Variants in PDE4D observed in about 807,000 individuals in gnomAD.
PDE4D encodes the protein 3',5'-cyclic-AMP phosphodiesterase 4D.
In PDE4D, 24 loss-of-function variants were observed where a neutral mutation model predicts 87.4. That is an observed-to-expected ratio of 0.27 (90% CI 0.20 to 0.39). The LOEUF (loss-of-function observed/expected upper bound fraction) is 0.39, where lower values mean the gene tolerates loss of function less well. PDE4D is among the 10% of genes least tolerant of loss of function. PDE4D has a pLI of 1.00. For missense variants in PDE4D, 714 were observed against 1,041.0 expected (o/e 0.69, Z 4.32); for synonymous variants, 384 against 383.2 (o/e 1.00, Z -0.02).
chr5:60,021,718 T>A (rs1055444289), intron 2 of PDE4D: 1 of 152,190 alleles, frequency 6.6e-6, no homozygotes, highest in Non-Finnish European at 1.5e-5. Flanking sequence ...ACTAAGAATA[T>A]TGGTATTGAT....
intron 1 of PDE4D, among the ~76,000 whole-genome samples, chr5:59,359,821 C>T (rs1781924658): frequency 6.6e-6 from 1 of 152,122 alleles, no homozygotes; most frequent in Admixed American, 6.5e-5. Flanking sequence ...AGAGATGTTC[C>T]ATCCCTGAGA....
chr5:60,034,219 G>GGAT (rs1767545477), intron 2 of PDE4D, among the ~76,000 whole-genome samples: 1 of 152,212 alleles, frequency 6.6e-6, no homozygotes, highest in Non-Finnish European at 1.5e-5. Flanking sequence ...ACAGGGTTAT[G>GGAT]GATGGGAAGT....
intron 1 of PDE4D, among the ~76,000 whole-genome samples, chr5:59,225,253 C>T (rs1433174941): frequency 6.6e-6 from 1 of 152,152 alleles, no homozygotes; most frequent in Non-Finnish European, 1.5e-5. Context: ...TTTTCCAATA[C>T]CATTCAAGAC....
At chr5:59,870,711 C>T (rs563308992) in intron 1 of PDE4D, among the ~76,000 whole-genome samples, 3 of 152,252 alleles carry the variant, frequency 2.0e-5, no homozygotes, top group African/African-American at 4.8e-5. Flanking sequence ...GGATCACAAA[C>T]GATTTGCTAA....
intron 1 of PDE4D, among the ~76,000 whole-genome samples, chr5:59,756,535 C>CACACACACACAG (rs1355152924): frequency 0.014 from 2,122 of 150,036 alleles, 65 homozygotes; most frequent in African/African-American, 0.05. Context: ...CACACACACA[C>CACACACACACAG]AGAGACACAC....
intron 1 of PDE4D, among the ~76,000 whole-genome samples, chr5:59,420,996 T>G (rs528587568): frequency 6.6e-6 from 1 of 152,186 alleles, no homozygotes; most frequent in African/African-American, 2.4e-5. Flanking sequence ...CGCGTATGTG[T>G]TTGTGTATTT....
chr5:60,208,175 G>A (rs946565493), intron 1 of PDE4D, among the ~76,000 whole-genome samples: 4 of 152,196 alleles, frequency 2.6e-5, no homozygotes, highest in African/African-American at 9.7e-5. Context: ...AGTGATTAGT[G>A]AGTAAAATAC....
intron 6 of PDE4D, among the ~76,000 whole-genome samples, chr5:59,005,666 A>G (rs995596834): frequency 6.6e-6 from 1 of 152,234 alleles, no homozygotes; most frequent in Non-Finnish European, 1.5e-5. Flanking sequence ...CTAGGCACCT[A>G]CTATGCACAA....
At chr5:59,489,370 C>G (rs1280144415) in intron 1 of PDE4D, among the ~76,000 whole-genome samples, 1 of 151,918 alleles carries the variant, frequency 6.6e-6, no homozygotes, top group Non-Finnish European at 1.5e-5. Flanking sequence ...TTGTTTCTTA[C>G]AAAAGCACAA....
chr5:60,029,074 GT>G (rs1180458046), intron 2 of PDE4D, among the ~76,000 whole-genome samples: 2 of 152,258 alleles, frequency 1.3e-5, no homozygotes, highest in East Asian at 3.9e-4. Context: ...TTTTTGTTTT[GT>G]TTTTGTTATT....
At chr5:60,481,790 A>ATC (rs1423672845) in intron 1 of PDE4D, among the ~76,000 whole-genome samples, 1 of 152,192 alleles carries the variant, frequency 6.6e-6, no homozygotes, top group Non-Finnish European at 1.5e-5. Context: ...AATCATAGCA[A>ATC]TCTCTATAAT....
intron 1 of PDE4D, among the ~76,000 whole-genome samples, chr5:59,869,291 G>A (rs1055703941): frequency 1.3e-5 from 2 of 152,206 alleles, no homozygotes; most frequent in African/African-American, 4.8e-5. Context: ...AGGAGAAGTA[G>A]GGGGTTAATA....
chr5:59,308,737 T>G (rs1473357925), intron 1 of PDE4D, among the ~76,000 whole-genome samples: 1 of 151,968 alleles, frequency 6.6e-6, no homozygotes, highest in Non-Finnish European at 1.5e-5. Context: ...TGCTGGCTGG[T>G]CTCCTGCCAG....
chr5:59,515,884 T>G (rs893212765), intron 1 of PDE4D, among the ~76,000 whole-genome samples: 2 of 152,084 alleles, frequency 1.3e-5, no homozygotes, highest in East Asian at 3.9e-4. Context: ...AGTGGAAAAA[T>G]GATGGATCAG....
intron 1 of PDE4D, among the ~76,000 whole-genome samples, chr5:59,451,216 A>G (rs2153640309): frequency 6.6e-6 from 1 of 152,248 alleles, no homozygotes; most frequent in Middle Eastern, 3.4e-3. Context: ...CTTCCATAGC[A>G]CCTAACTTTC....
intron 2 of PDE4D, among the ~76,000 whole-genome samples, chr5:60,181,849 G>T (rs1164884014): frequency 1.3e-5 from 2 of 152,044 alleles, no homozygotes; most frequent in African/African-American, 4.8e-5. Context: ...GAATAACAGG[G>T]ATATTATAAA....
intron 2 of PDE4D, among the ~76,000 whole-genome samples, chr5:60,008,024 T>G (rs1254657484): frequency 1.3e-5 from 2 of 151,052 alleles, no homozygotes; most frequent in African/African-American, 4.9e-5. Context: ...GAACAAAAGA[T>G]GAATAAAATA....
intron 1 of PDE4D, among the ~76,000 whole-genome samples, chr5:59,644,137 G>C (rs1386907491): frequency 1.3e-5 from 2 of 152,148 alleles, no homozygotes; most frequent in Non-Finnish European, 2.9e-5. Context: ...TACAGGGCAG[G>C]CCTGAGCTTT....
At position 59,703,489 on chromosome 5, in the gene PDE4D, A is replaced by G. The variant is rs562068798; in HGVS notation, c.455+189679T>C. On this transcript the variant is annotated intron_variant, in intron 1 of 14. Transcript: ENST00000340635. The stretch of plus-strand genomic sequence containing the variant: ...ACATATGTATTGATACAGCATTACA[A>G]ATTGATGATAATTCAAAAAGGCACC... 2.7e-5 allele frequency: 14 copies of G among 515,032 alleles called. No individual in the cohort carries two copies. The East Asian group carries it at 6.6e-4, about 24-fold the overall frequency. The allele number at this position is 515,032 out of a possible 1,614,324, so 31.9% of individuals were successfully genotyped here.
Sources: gnomAD v4.1 joint callset for allele counts (sites outside exome capture counted in the v4.1 genomes callset) on GRCh38, gnomAD v4.1.1 for gene constraint, MANE v1.5 for transcripts, NCBI Gene and HGNC (gene_info 2026-07-23, HGNC 2026-07-21) for gene names.